Variants in SPRY4 observed in about 807,000 individuals in gnomAD.
The protein encoded by SPRY4 is sprouty RTK signaling antagonist 4.
In SPRY4, 7 loss-of-function variants were observed where a neutral mutation model predicts 17.0. The ratio of observed to expected loss-of-function variants is 0.41; its 90% CI spans 0.23 to 0.77. The LOEUF (loss-of-function observed/expected upper bound fraction) is 0.77, where lower values mean the gene tolerates loss of function less well. SPRY4 is among the 30% of genes least tolerant of loss of function. The probability of loss-of-function intolerance (pLI) is 0.32; values close to 1 mark genes in which losing one functional copy is unlikely to be tolerated. For synonymous variants in SPRY4, 183 were observed against 174.1 expected (o/e 1.05, Z -0.40); for missense variants, 435 against 419.9 (o/e 1.04, Z -0.31).
chr5:142,322,491 T>A (rs1455987663), intron 1 of SPRY4, among the ~76,000 whole-genome samples: 1,682 of 140,578 alleles, frequency 0.012, 19 homozygotes, highest in Non-Finnish European at 0.02. Flanking sequence ...AAAATATATA[T>A]ATATATATAT....
rs1351997617 is a variant in SPRY4 at position 142,313,596 on chromosome 5, T to C, written c.*613A>G. The C allele has an allele frequency of 1.3e-5, 2 of 152,442 alleles. No individual in the cohort carries two copies. Among genetic ancestry groups the C allele is most frequent in the Non-Finnish European group, 2.9e-5 (2 of 68,350 alleles). 9.4% of individuals were successfully genotyped at this position (152,442 alleles called of 1,614,324 possible). A position where few individuals can be genotyped will look rare whatever the true frequency, so the allele number is the denominator to read the frequency against. On this transcript the variant is annotated 3_prime_UTR_variant, in exon 2 of 2. Coordinates refer to ENST00000434127, the MANE Select transcript of SPRY4 (RefSeq NM_001127496.3). ...AAGGAGGAACGAGGCTTGGACTCAC[T>C]GGCCGTCCTCTGTTCTCAGTGGCTC...
intron 1 of SPRY4, among the ~76,000 whole-genome samples, chr5:142,320,043 C>G (rs1338049365): frequency 1.3e-5 from 2 of 152,206 alleles, no homozygotes; most frequent in East Asian, 3.8e-4. Flanking sequence ...GCTGTTTAAC[C>G]CTTTAAACAA....
At chr5:142,320,407 G>A (rs755560053) in intron 1 of SPRY4, among the ~76,000 whole-genome samples, 16 of 150,994 alleles carry the variant, frequency 1.1e-4, no homozygotes, top group Admixed American at 6.6e-5. Flanking sequence ...AAAAAAAAAC[G>A]GTTGTTTTTC....
At position 142,315,001 on chromosome 5, in the gene SPRY4, G is replaced by A. The variant is rs768876896; in HGVS notation, c.108C>T (p.Thr36=). The change falls in exon 2 of 2, where the codon ACC becomes ACT. Residue 36 remains threonine, a synonymous_variant. Coordinates refer to ENST00000434127, the MANE Select transcript of SPRY4 (RefSeq NM_001127496.3). ...TCTTCACCTGGTCAATGGGTAGGAT[G>A]GTGAGTGGGTGCTGGAGCCGGCTGT... ...MSHSRLQHPL[T]ILPIDQVKTS... 94 of 1,613,946 alleles carry A rather than the reference G, an allele frequency of 5.8e-5. No individual in the cohort carries two copies. The highest frequency in any genetic ancestry group is 7.8e-5 in the Non-Finnish European group (92 of 1,180,018).
chr5:142,320,065 G>C (rs1596872510), intron 1 of SPRY4, among the ~76,000 whole-genome samples: 1 of 152,174 alleles, frequency 6.6e-6, no homozygotes, highest in African/African-American at 2.4e-5. Context: ...TCAGAATAAA[G>C]GTCTCTAGGC....
Position 142,324,780 on chromosome 5 carries a change from G to A in SPRY4, c.-48+64C>T, listed in dbSNP as rs1453817734. 5 of 152,906 alleles carry A rather than the reference G, an allele frequency of 3.3e-5. No individual in the cohort carries two copies. The East Asian group carries it at 5.8e-4, about 18-fold the overall frequency. 9.5% of individuals were successfully genotyped at this position (152,906 alleles called of 1,614,324 possible). The stretch of plus-strand genomic sequence containing the variant: ...AGCGCACCATTTGCCCCAGCCCAAG[G>A]GGGGAGTCGCGTCGCGGCTCAGAGA... On this transcript the variant is annotated intron_variant, in intron 1 of 1. Coordinates refer to ENST00000434127, the MANE Select transcript of SPRY4 (RefSeq NM_001127496.3).
chr5:142,315,082 G>GGC lies in SPRY4; in HGVS notation c.25_26dup (p.Leu11ProfsTer2). The GGC allele has an allele frequency of 6.2e-7, 1 of 1,612,850 alleles. No individual in the cohort carries two copies. The highest frequency in any genetic ancestry group is 8.5e-7 in the Non-Finnish European group (1 of 1,179,992). On this transcript the variant is annotated frameshift_variant, in exon 2 of 2. Coordinates refer to ENST00000434127, the MANE Select transcript of SPRY4 (RefSeq NM_001127496.3). LOFTEE classifies it high-confidence loss of function. Reference sequence around the variant, plus strand: ...CCATGACTGAGTTGGGAGTCAAGGGGGCGCTCTGTGGGATCGGGGGCTCCA... The same window carrying GGC: ...CCATGACTGAGTTGGGAGTCAAGGGGGCGCGCTCTGTGGGATCGGGGGCTCCA...
Position 142,314,527 on chromosome 5 carries a change from G to C in SPRY4, c.582C>G (p.Val194=), listed in dbSNP as rs773748066. 3 of 1,614,218 alleles carry C rather than the reference G, an allele frequency of 1.9e-6. No individual in the cohort carries two copies. The highest frequency in any genetic ancestry group is 1.7e-6 in the Non-Finnish European group (2 of 1,180,030). The change falls in exon 2 of 2, where the codon GTC becomes GTG. Residue 194 remains valine (V), a synonymous_variant. Transcript: ENST00000434127. This position sits in a 1 kb window ranked among gnomAD's most constrained non-coding sequence, Gnocchi z 4.8. ...CCAAACACATGCACGTGCCATAGTT[G>C]ACCAGAGTCTGGGCTGAGCACAGGC... The part of the protein sequence containing the change: ...QECLCSAQTL[V]NYGTCMCLVQ...
chr5:142,314,378 A>G lies in SPRY4; in HGVS notation c.731T>C (p.Val244Ala). The G allele has an allele frequency of 1.2e-6, 2 of 1,614,018 alleles. No homozygotes were observed. The highest frequency in any genetic ancestry group is 1.7e-6 in the Non-Finnish European group (2 of 1,179,938). Residue 244 changes from valine (V) to alanine (A), a missense_variant, in exon 2 of 2, where the codon GTG becomes GCG. Transcript: ENST00000434127. The surrounding 1 kb of genome is among the most constrained non-coding windows in gnomAD (Gnocchi z 4.8). ...RWSFMGALSV[V>A]LPCLLCYLPA... ...CAGGTAGCAGAGCAGGCAGGGCAGC[A>G]CCACGGAGAGAGCACCCATGAAGGA...
At chr5:142,322,649 C>G (rs992924218) in intron 1 of SPRY4, among the ~76,000 whole-genome samples, 1 of 151,936 alleles carries the variant, frequency 6.6e-6, no homozygotes, top group Admixed American at 6.6e-5. Flanking sequence ...GGTCATGGAG[C>G]TGGGCAGGAG....
At chr5:142,319,667 A>C (rs1759277156) in intron 1 of SPRY4, 1 of 1,542,504 alleles carries the variant, frequency 6.5e-7, no homozygotes, top group Non-Finnish European at 8.8e-7. Flanking sequence ...TCCCCAGAAC[A>C]CGCGCAACAC....
intron 1 of SPRY4, 91 bp from the exon 2 acceptor site, chr5:142,315,246 G>A (rs1759112062): frequency 5.0e-6 from 4 of 806,050 alleles, no homozygotes. Flanking sequence ...AGGTCCTTGG[G>A]AGCCGCCCAA....
rs1759001992 is a variant in SPRY4 at position 142,313,474 on chromosome 5, T to G, written c.*735A>C. On this transcript the variant is annotated 3_prime_UTR_variant, in exon 2 of 2. Transcript: ENST00000434127. ...CAGTAAGAACCGAAGGACGGTGTGG[T>G]GAGCAGAACACCCCCGAGAGTTAGT... The G allele has an allele frequency of 6.6e-6, 1 of 152,310 alleles. No homozygotes were observed. The highest frequency in any genetic ancestry group is 2.4e-5 in the African/African-American group (1 of 41,318). 9.4% of individuals were successfully genotyped at this position (152,310 alleles called of 1,614,324 possible).
At position 142,314,007 on chromosome 5, in the gene SPRY4, C is replaced by G; in HGVS notation, c.*202G>C. The G allele has an allele frequency of 1.7e-6, 1 of 605,852 alleles. No individual in the cohort carries two copies. Among genetic ancestry groups the G allele is most frequent in the South Asian group, 2.3e-5 (1 of 43,252 alleles). The allele number at this position is 605,852 out of a possible 1,614,324, so 37.5% of individuals were successfully genotyped here. A position where few individuals can be genotyped will look rare whatever the true frequency, so the allele number is the denominator to read the frequency against. On this transcript the variant is annotated 3_prime_UTR_variant, in exon 2 of 2. Coordinates refer to ENST00000434127, the MANE Select transcript of SPRY4 (RefSeq NM_001127496.3). This position sits in a 1 kb window ranked among gnomAD's most constrained non-coding sequence, Gnocchi z 4.8. ...AAAGTTTCAGGACCCTGAAAAAAAG[C>G]CCCAAAGTGCTTCTTCATCACCTTG...
chr5:142,322,247 C>T (rs964624828), intron 1 of SPRY4, among the ~76,000 whole-genome samples: 6 of 152,096 alleles, frequency 3.9e-5, no homozygotes, highest in African/African-American at 7.2e-5. Context: ...CAGAGGCCGG[C>T]GGATCATGAG....
In SPRY4 at chr5:142,314,554, C is replaced by T; in HGVS notation, c.555G>A (p.Glu185=). The T allele has an allele frequency of 6.2e-7, 1 of 1,614,258 alleles. No individual in the cohort carries two copies. The highest frequency in any genetic ancestry group is 8.5e-7 in the Non-Finnish European group (1 of 1,180,040). ...TLPSCWVCNQ[E]CLCSAQTLVN... ...CCAGAGTCTGGGCTGAGCACAGGCA[C>T]TCCTGGTTGCAGACCCAGCAGGAAG... Residue 185 remains glutamate (E), a synonymous_variant, in exon 2 of 2, where the codon GAG becomes GAA. Coordinates refer to ENST00000434127, the MANE Select transcript of SPRY4 (RefSeq NM_001127496.3). The surrounding 1 kb of genome is among the most constrained non-coding windows in gnomAD (Gnocchi z 4.8).
chr5:142,322,472 G>GAAAAAAAAAAA (rs560148371), intron 1 of SPRY4, among the ~76,000 whole-genome samples: 1 of 135,322 alleles, frequency 7.4e-6, no homozygotes, highest in African/African-American at 2.7e-5. Flanking sequence ...CTCGTCTCAA[G>GAAAAAAAAAAA]AAAAAAAAAA....
chr5:142,313,049 CAGAAG>C lies in SPRY4; in HGVS notation c.*1155_*1159del, dbSNP rs1168787560. ...AGGCTATGACAGTGAGCAGCAGAATCAGAAGAGAAGAAACCCAAACCCAGCCTGGC... is the reference window on the plus strand; with the variant it reads ...AGGCTATGACAGTGAGCAGCAGAATCAGAAGAAACCCAAACCCAGCCTGGC... On this transcript the variant is annotated 3_prime_UTR_variant, in exon 2 of 2. Coordinates refer to ENST00000434127, the MANE Select transcript of SPRY4 (RefSeq NM_001127496.3). 1.3e-5 allele frequency: 2 copies of C among 152,610 alleles called. No individual in the cohort carries two copies. Among genetic ancestry groups the C allele is most frequent in the African/African-American group, 2.4e-5 (1 of 41,448 alleles). 9.5% of individuals were successfully genotyped at this position (152,610 alleles called of 1,614,324 possible). A position where few individuals can be genotyped will look rare whatever the true frequency, so the allele number is the denominator to read the frequency against.
chr5:142,317,099 C>A, intron 1 of SPRY4: 1 of 985,476 alleles, frequency 1.0e-6, no homozygotes, highest in South Asian at 4.7e-5. Flanking sequence ...AGAGTAGCCA[C>A]TTGCCAAAGC....
Sources: allele counts gnomAD v4.1 joint callset (sites outside exome capture counted in the v4.1 genomes callset), GRCh38; gene constraint gnomAD v4.1.1; non-coding constraint Gnocchi (gnomAD v3.1); transcripts MANE v1.5; gene names NCBI Gene and HGNC (gene_info 2026-07-23, HGNC 2026-07-21).